PIK3AP1: variants seen among roughly 807,000 people sequenced by gnomAD.
PIK3AP1 encodes the protein phosphoinositide 3-kinase adapter protein 1.
Under a neutral mutation model 88.1 loss-of-function variants are expected in PIK3AP1, and 21 were observed. The observed-to-expected ratio is 0.24, with a 90% CI of 0.17 to 0.34. The LOEUF (loss-of-function observed/expected upper bound fraction) is 0.34, where lower values mean the gene tolerates loss of function less well. PIK3AP1 is among the 10% of genes least tolerant of loss of function. The pLI, the probability that PIK3AP1 is intolerant of heterozygous loss-of-function variation, is 1.00. For missense variants in PIK3AP1, 828 were observed against 1,035.7 expected, an observed-to-expected ratio of 0.80 and a Z score of 2.75; for synonymous variants, 398 against 400.0, an observed-to-expected ratio of 1.00 and a Z score of 0.06.
chr10:96,716,035 C>T (rs1564993879), intron 1 of PIK3AP1, among the ~76,000 whole-genome samples: 1 of 152,138 alleles, frequency 6.6e-6, no homozygotes, highest in Non-Finnish European at 1.5e-5. Flanking sequence ...AATACCAGCA[C>T]TTTGGGAGGC....
At chr10:96,617,280 C>A (rs1849229970) in intron 12 of PIK3AP1, among the ~76,000 whole-genome samples, 1 of 152,206 alleles carries the variant, frequency 6.6e-6, no homozygotes, top group Non-Finnish European at 1.5e-5. Flanking sequence ...CCATTGTAGT[C>A]ATTCAATAAA....
rs1271635246 is a variant in PIK3AP1 at position 96,656,938 on chromosome 10, C to T, written c.431-4G>A. 2.5e-6 allele frequency: 4 copies of T among 1,602,220 alleles called. No homozygotes were observed. The highest frequency in any genetic ancestry group is 1.7e-5 in the Admixed American group (1 of 59,546). On this transcript the variant is annotated splice_polypyrimidine_tract_variant and splice_region_variant and intron_variant, in intron 2 of 16. Transcript: ENST00000339364. ...GTGACTGAGTCACAGCCAGAATCTACAAAATAGAGGACACCGCTGAATGGG... is the reference window on the plus strand; with the variant it reads ...GTGACTGAGTCACAGCCAGAATCTATAAAATAGAGGACACCGCTGAATGGG...
chr10:96,601,740 T>A (rs1331011725), intron 16 of PIK3AP1, among the ~76,000 whole-genome samples: 1 of 152,232 alleles, frequency 6.6e-6, no homozygotes, highest in Non-Finnish European at 1.5e-5. Context: ...AAAACAATTT[T>A]AAAAGTTGAC....
chr10:96,602,584 G>A (rs762522360), intron 15 of PIK3AP1, among the ~76,000 whole-genome samples, 186 bp from the exon 16 acceptor site: 18 of 152,170 alleles, frequency 1.2e-4, no homozygotes, highest in Non-Finnish European at 1.8e-4. Context: ...GAGGCACTGA[G>A]GAAGACAATC....
intron 8 of PIK3AP1, chr10:96,632,962 A>T (rs1843266188): frequency 6.2e-7 from 1 of 1,612,772 alleles, no homozygotes; most frequent in African/African-American, 1.3e-5. Context: ...GGCAGTGAAG[A>T]GAGCTGGTCT....
intron 14 of PIK3AP1, among the ~76,000 whole-genome samples, chr10:96,604,997 C>T (rs1221874021): frequency 6.6e-6 from 1 of 152,112 alleles, no homozygotes; most frequent in African/African-American, 2.4e-5. Flanking sequence ...GTAGCTGGGA[C>T]TACAGGCACG....
chr10:96,595,778 G>T, intron 16 of PIK3AP1, 144 bp from the exon 17 acceptor site: 1 of 771,354 alleles, frequency 1.3e-6, no homozygotes, highest in African/African-American at 1.7e-5. Flanking sequence ...ATGTATGAGT[G>T]ACACGCATGC....
intron 12 of PIK3AP1, among the ~76,000 whole-genome samples, chr10:96,617,480 C>T (rs1024482082): frequency 4.6e-5 from 7 of 152,146 alleles, no homozygotes; most frequent in Admixed American, 3.9e-4. Context: ...GCTGAAGAGA[C>T]TCACCTGTGT....
chr10:96,604,290 G>T (rs2134183731), intron 14 of PIK3AP1, among the ~76,000 whole-genome samples: 1 of 149,758 alleles, frequency 6.7e-6, no homozygotes, highest in Admixed American at 6.7e-5. Context: ...AGATCCTCCT[G>T]CCTTAGCCCC....
At chr10:96,701,170 A>T (rs1160349977) in intron 2 of PIK3AP1, among the ~76,000 whole-genome samples, 1 of 152,228 alleles carries the variant, frequency 6.6e-6, no homozygotes, top group Non-Finnish European at 1.5e-5. Flanking sequence ...TTTTAAACAT[A>T]GTGCAGGGAA....
chr10:96,662,014 A>T (rs1385628396), intron 2 of PIK3AP1, among the ~76,000 whole-genome samples: 1 of 152,266 alleles, frequency 6.6e-6, no homozygotes, highest in Admixed American at 6.5e-5. Context: ...ACATTTTATC[A>T]GTGGTTTGGG....
chr10:96,603,896 T>C, intron 15 of PIK3AP1, 83 bp downstream of exon 15: 1 of 1,279,974 alleles, frequency 7.8e-7, no homozygotes, highest in Non-Finnish European at 1.1e-6. Flanking sequence ...CTTTTGTGCC[T>C]GGCTCCTTTC....
At chr10:96,710,132 A>G in intron 1 of PIK3AP1, 149 bp from the exon 2 acceptor site, 1 of 674,504 alleles carries the variant, frequency 1.5e-6, no homozygotes, top group Non-Finnish European at 2.4e-6. Context: ...CACCTCACTC[A>G]CGCATTTCTT....
intron 2 of PIK3AP1, among the ~76,000 whole-genome samples, chr10:96,669,913 ATGCC>A (rs1386075484): frequency 2.0e-5 from 3 of 152,126 alleles, no homozygotes; most frequent in African/African-American, 7.2e-5. Flanking sequence ...GCGGTAGCTC[ATGCC>A]TGTAATCCCA....
chr10:96,720,308 G>C lies in PIK3AP1; in HGVS notation c.13+74C>G. ...AGGACGCAAACAGAAGCAAGCGGGG[G>C]AGCGCGCCTCAAGGGATGCGGGGTA... On this transcript the variant is annotated intron_variant, in intron 1 of 16. Transcript: ENST00000339364. This position sits in a 1 kb window ranked among gnomAD's most constrained non-coding sequence, Gnocchi z 4.6. 1 of 1,228,030 alleles carries C rather than the reference G, an allele frequency of 8.1e-7. No homozygotes were observed. The highest frequency in any genetic ancestry group is 1.0e-6 in the Non-Finnish European group (1 of 974,828). The allele number at this position is 1,228,030 out of a possible 1,614,324, so 76.1% of individuals were successfully genotyped here.
At chr10:96,711,739 A>AATTTTTTTTTT (rs1844439120) in intron 1 of PIK3AP1, among the ~76,000 whole-genome samples, 1 of 66,426 alleles carries the variant, frequency 1.5e-5, no homozygotes, top group African/African-American at 7.0e-5. Context: ...AGATTACCAA[A>AATTTTTTTTTT]TTTTTTTTTT....
intron 14 of PIK3AP1, 72 bp from the exon 15 acceptor site, chr10:96,604,121 C>T (rs1848958970): frequency 2.4e-6 from 3 of 1,266,416 alleles, no homozygotes; most frequent in Non-Finnish European, 3.3e-6. Context: ...AACTCTAGAA[C>T]TTATTTAGTT....
intron 8 of PIK3AP1, chr10:96,633,027 T>A: frequency 6.2e-7 from 1 of 1,611,896 alleles, no homozygotes; most frequent in Non-Finnish European, 8.5e-7. Context: ...AGAGACAAGA[T>A]CCATAGCAGG....
At chr10:96,676,941 C>G (rs1424287917) in intron 2 of PIK3AP1, among the ~76,000 whole-genome samples, 1 of 152,126 alleles carries the variant, frequency 6.6e-6, no homozygotes, top group African/African-American at 2.4e-5. Context: ...CCAAGCCAAA[C>G]TAGGCCTTTC....
Sources: gnomAD v4.1 joint callset for allele counts (sites outside exome capture counted in the v4.1 genomes callset) on GRCh38, gnomAD v4.1.1 for gene constraint, Gnocchi (gnomAD v3.1) non-coding constraint, MANE v1.5 for transcripts, NCBI Gene and HGNC (gene_info 2026-07-23, HGNC 2026-07-21) for gene names.